The following TRPC4 variants were observed in gnomAD, a reference collection of about 807,000 sequenced individuals.
The protein encoded by TRPC4 is transient receptor potential cation channel subfamily C member 4.
Under a neutral mutation model 99.4 loss-of-function variants are expected in TRPC4, and 49 were observed. That is an observed-to-expected ratio of 0.49 (90% CI 0.39 to 0.63). The LOEUF is 0.63. Ranked by LOEUF, TRPC4 falls within the 20% of genes least tolerant of loss-of-function variation. The pLI is 0.00. For synonymous variants in TRPC4, 454 were observed against 425.9 expected (o/e 1.07, Z -0.81); for missense variants, 898 against 1,152.9 (o/e 0.78, Z 3.20).
intron 1 of TRPC4, among the ~76,000 whole-genome samples, chr13:37,848,243 A>T (rs540628693): frequency 7.9e-5 from 12 of 152,198 alleles, no homozygotes; most frequent in Non-Finnish European, 1.5e-4. Context: ...TACATTGTAT[A>T]CATATATCAA....
intron 2 of TRPC4, among the ~76,000 whole-genome samples, chr13:37,754,971 A>C (rs899930158): frequency 1.2e-4 from 18 of 152,100 alleles, no homozygotes; most frequent in African/African-American, 3.9e-4. Context: ...CAAATGTATT[A>C]AGTTAGTGCA....
At chr13:37,865,894 T>A (rs922200178) in intron 1 of TRPC4, among the ~76,000 whole-genome samples, 4 of 151,822 alleles carry the variant, frequency 2.6e-5, no homozygotes, top group African/African-American at 9.7e-5. Flanking sequence ...AAGGTAGATG[T>A]TAAGATAACA....
chr13:37,859,085 TA>T (rs140390536), intron 1 of TRPC4, among the ~76,000 whole-genome samples: 1 of 150,612 alleles, frequency 6.6e-6, no homozygotes, highest in Admixed American at 6.6e-5. Flanking sequence ...AAATTAAAAA[TA>T]AAAAATATAC....
intron 3 of TRPC4, among the ~76,000 whole-genome samples, chr13:37,710,246 A>G (rs946266496): frequency 6.6e-6 from 1 of 151,968 alleles, no homozygotes; most frequent in Non-Finnish European, 1.5e-5. Context: ...TTAGGTAAAC[A>G]TTAAGAGATT....
At chr13:37,828,110 A>C (rs1367543854) in intron 1 of TRPC4, among the ~76,000 whole-genome samples, 2 of 152,200 alleles carry the variant, frequency 1.3e-5, no homozygotes, top group African/African-American at 4.8e-5. Flanking sequence ...CGAGTGAGGC[A>C]ATGCCTCGCC....
intron 3 of TRPC4, among the ~76,000 whole-genome samples, chr13:37,721,220 C>A (rs146883711): frequency 6.9e-4 from 105 of 152,194 alleles, no homozygotes; most frequent in East Asian, 4.6e-3. Flanking sequence ...CCTCTAGTTT[C>A]TTTATTTCCT....
intron 1 of TRPC4, among the ~76,000 whole-genome samples, chr13:37,799,865 G>A (rs1163038886): frequency 6.6e-6 from 1 of 152,110 alleles, no homozygotes; most frequent in Admixed American, 6.5e-5. Context: ...AAATGTGTTG[G>A]TTTTGGAGCC....
intron 2 of TRPC4, among the ~76,000 whole-genome samples, chr13:37,750,936 T>G (rs1472335123): frequency 1.3e-5 from 2 of 152,082 alleles, no homozygotes; most frequent in African/African-American, 4.8e-5. Context: ...ATCTTCACTG[T>G]GCTGTCTTTA....
At chr13:37,850,843 T>C (rs1165344164) in intron 1 of TRPC4, among the ~76,000 whole-genome samples, 1 of 152,176 alleles carries the variant, frequency 6.6e-6, no homozygotes, top group Non-Finnish European at 1.5e-5. Flanking sequence ...ATTGACCTTG[T>C]ACAAGCCATA....
At chr13:37,845,605 G>T (rs1191488974) in intron 1 of TRPC4, among the ~76,000 whole-genome samples, 1 of 151,024 alleles carries the variant, frequency 6.6e-6, no homozygotes, top group Non-Finnish European at 1.5e-5. Context: ...TCGATCAGAG[G>T]AGCAAAAATA....
intron 3 of TRPC4, among the ~76,000 whole-genome samples, chr13:37,707,006 T>C (rs935426998): frequency 2.6e-5 from 4 of 152,090 alleles, no homozygotes; most frequent in African/African-American, 9.7e-5. Flanking sequence ...GACATATGCA[T>C]GTCTAATGAA....
intron 3 of TRPC4, among the ~76,000 whole-genome samples, chr13:37,713,610 C>T (rs1954559784): frequency 1.3e-5 from 2 of 152,084 alleles, no homozygotes; most frequent in Non-Finnish European, 2.9e-5. Flanking sequence ...AAGAACGTTT[C>T]AGTCTTAAAA....
chr13:37,699,603 A>G (rs1273813345), intron 3 of TRPC4, among the ~76,000 whole-genome samples: 7 of 152,208 alleles, frequency 4.6e-5, no homozygotes, highest in African/African-American at 1.2e-4. Flanking sequence ...TACAGATTCT[A>G]TTCTCTGCAG....
chr13:37,633,783 A>AT lies in TRPC4; in HGVS notation c.*3119dup. On this transcript the variant is annotated 3_prime_UTR_variant, in exon 11 of 11. Coordinates refer to ENST00000379705, the MANE Select transcript of TRPC4 (RefSeq NM_016179.4). The stretch of plus-strand genomic sequence containing the variant: ...AATATTCAATTCATGAAACAGATAC[A>AT]TTTTGAGGATGTTTAGCACTTTGAA... 6.6e-6 allele frequency among the ~76,000 whole-genome samples: 1 copy of AT among 152,234 alleles called. No individual in the cohort carries two copies. The highest frequency in any genetic ancestry group is 2.1e-4 in the South Asian group (1 of 4,826).
chr13:37,683,186 G>A (rs1953314437), intron 4 of TRPC4, among the ~76,000 whole-genome samples: 1 of 152,010 alleles, frequency 6.6e-6, no homozygotes, highest in Non-Finnish European at 1.5e-5. Flanking sequence ...CCCTCATAAA[G>A]TCTGGGAGTT....
At chr13:37,655,316 T>C (rs1952190791) in intron 6 of TRPC4, 33 bp from the exon 7 acceptor site, 1 of 1,305,004 alleles carries the variant, frequency 7.7e-7, no homozygotes, top group African/African-American at 1.5e-5. Context: ...CTAATAGCTA[T>C]ATTAATGGAA....
intron 1 of TRPC4, among the ~76,000 whole-genome samples, chr13:37,822,434 C>CAACA (rs1958042448): frequency 6.7e-6 from 1 of 149,252 alleles, no homozygotes; most frequent in African/African-American, 2.5e-5. Context: ...CCCCACCCCA[C>CAACA]AACAGTCCCC....
At chr13:37,823,041 A>T (rs1329001539) in intron 1 of TRPC4, among the ~76,000 whole-genome samples, 1 of 149,878 alleles carries the variant, frequency 6.7e-6, no homozygotes, top group Non-Finnish European at 1.5e-5. Flanking sequence ...GCATTTTTTC[A>T]TGTGTTTTTT....
chr13:37,865,414 A>C (rs1959673132), intron 1 of TRPC4, among the ~76,000 whole-genome samples: 1 of 151,646 alleles, frequency 6.6e-6, no homozygotes, highest in African/African-American at 2.4e-5. Context: ...TTTCTAAAAA[A>C]TTATAATCTT....
Sources: allele counts gnomAD v4.1 joint callset (sites outside exome capture counted in the v4.1 genomes callset), GRCh38; gene constraint gnomAD v4.1.1; transcripts MANE v1.5; gene names NCBI Gene and HGNC (gene_info 2026-07-23, HGNC 2026-07-21).